SORCS2: variants seen among roughly 807,000 people sequenced by gnomAD.
SORCS2 encodes sortilin related VPS10 domain containing receptor 2.
A neutral mutation model predicts 141.6 loss-of-function variants in SORCS2; 100 were observed. That is an observed-to-expected ratio of 0.71 (90% CI 0.60 to 0.83). The LOEUF is 0.83. SORCS2 is among the 40% of genes least tolerant of loss of function. The pLI, the probability that SORCS2 is intolerant of heterozygous loss-of-function variation, is 0.00. For synonymous variants in SORCS2, 789 were observed against 676.9 expected, an observed-to-expected ratio of 1.17 and a Z score of -2.57; for missense variants, 1,646 against 1,560.2, an observed-to-expected ratio of 1.05 and a Z score of -0.93.
In SORCS2 at chr4:7,360,571, C is replaced by CTTTTTTTTTTTTTTTTT. The variant is rs753548897; in HGVS notation, c.481-35708_481-35692dup. ...TCCCTAAATACCCTCCCAGTCCCTT[C>CTTTTTTTTTTTTTTTTT]TTTTTTTTTTTTTTTTTTTTTTTTT... is the stretch of plus-strand genomic sequence containing the variant. On this transcript the variant is annotated intron_variant, in intron 1 of 26. Coordinates refer to ENST00000507866, the MANE Select transcript of SORCS2 (RefSeq NM_020777.3). Among the ~76,000 whole-genome samples, 64 of 49,282 alleles carry CTTTTTTTTTTTTTTTTT rather than the reference C, an allele frequency of 1.3e-3. 17 individuals carry two copies. The highest frequency in any genetic ancestry group is 2.2e-3 in the African/African-American group (23 of 10,242). 32.3% of individuals were successfully genotyped at this position (49,282 alleles called of 152,430 possible). A position where few individuals can be genotyped will look rare whatever the true frequency, so the allele number is the denominator to read the frequency against.
At chr4:7,258,737 G>A (rs764256607) in intron 1 of SORCS2, among the ~76,000 whole-genome samples, 4 of 152,186 alleles carry the variant, frequency 2.6e-5, no homozygotes, top group Non-Finnish European at 4.4e-5. Context: ...CTTCCACAAT[G>A]GTTGAACTAA....
chr4:7,317,321 A>T lies in SORCS2; in HGVS notation c.481-78967A>T, dbSNP rs181998921. 2.9e-3 allele frequency among the ~76,000 whole-genome samples: 441 copies of T among 152,290 alleles called. 2 individuals are homozygous for T. Among genetic ancestry groups the T allele is most frequent in the African/African-American group, 9.5e-3 (395 of 41,576 alleles). On this transcript the variant is annotated intron_variant, in intron 1 of 26. Coordinates refer to ENST00000507866, the MANE Select transcript of SORCS2 (RefSeq NM_020777.3). Reference sequence around the variant, plus strand: ...ACCAAGACCCAAAAGATGAATAAGGAGCTGACAGGGCCTGGGCCTATGTGT... The same window carrying T: ...ACCAAGACCCAAAAGATGAATAAGGTGCTGACAGGGCCTGGGCCTATGTGT...
At chr4:7,638,587 G>A in intron 4 of SORCS2, 95 bp downstream of exon 4, 1 of 1,340,368 alleles carries the variant, frequency 7.5e-7, no homozygotes, top group South Asian at 1.4e-5. Flanking sequence ...GTGGGACCCG[G>A]AACCCCTGGG....
chr4:7,629,880 C>T (rs551075942), intron 3 of SORCS2, among the ~76,000 whole-genome samples: 1 of 152,254 alleles, frequency 6.6e-6, no homozygotes, highest in Admixed American at 6.5e-5. Flanking sequence ...CGCTGTCGGC[C>T]ACCCTTTGAC....
chr4:7,713,061 G>A (rs963825008), intron 15 of SORCS2, among the ~76,000 whole-genome samples: 2 of 152,188 alleles, frequency 1.3e-5, no homozygotes, highest in South Asian at 4.2e-4. Flanking sequence ...CTGGGCTGAG[G>A]GTCCTCAGCC....
chr4:7,634,691 G>A (rs1251975721), intron 3 of SORCS2, among the ~76,000 whole-genome samples: 1 of 152,264 alleles, frequency 6.6e-6, no homozygotes, highest in Non-Finnish European at 1.5e-5. Flanking sequence ...CGGGCTGTGC[G>A]TGGTGACTTC....
chr4:7,714,323 G>A lies in SORCS2; in HGVS notation c.2073G>A (p.Thr691=), dbSNP rs367713426. 494 of 1,587,010 alleles carry A rather than the reference G, an allele frequency of 3.1e-4. 10 individuals carry two copies. In the South Asian group the frequency reaches 5.2e-3, roughly 17 times the overall value. ...TSWCIKGRSF[T]SALTSRVCEC... Reference sequence around the variant, plus strand: ...GGTGCATCAAGGGGAGGAGCTTCACGTCGGCGCTCACGTCCCGCGTGTGCG... The same window carrying A: ...GGTGCATCAAGGGGAGGAGCTTCACATCGGCGCTCACGTCCCGCGTGTGCG... Residue 691 remains threonine, a synonymous_variant, in exon 16 of 27, where the codon ACG becomes ACA. Transcript: ENST00000507866.
chr4:7,539,063 T>C (rs6815748), intron 3 of SORCS2, among the ~76,000 whole-genome samples: 128,927 of 152,154 alleles, frequency 0.85, 56,106 homozygotes, highest in East Asian at 0.99. Flanking sequence ...GGCCAAGTTG[T>C]TTCCCCCAGG....
intron 2 of SORCS2, among the ~76,000 whole-genome samples, chr4:7,406,786 T>G (rs1724996243): frequency 6.6e-6 from 1 of 151,964 alleles, no homozygotes; most frequent in Non-Finnish European, 1.5e-5. Flanking sequence ...GTTTGTTTTT[T>G]CTAGTTCCTT....
intron 14 of SORCS2, among the ~76,000 whole-genome samples, chr4:7,712,231 C>T (rs1042585845): frequency 6.6e-6 from 1 of 152,238 alleles, no homozygotes; most frequent in African/African-American, 2.4e-5. Context: ...TACTAGGGAG[C>T]AAATGCCCTG....
At chr4:7,467,373 G>C (rs1406678288) in intron 2 of SORCS2, among the ~76,000 whole-genome samples, 1 of 152,192 alleles carries the variant, frequency 6.6e-6, no homozygotes, top group Non-Finnish European at 1.5e-5. Flanking sequence ...GGGATGAGGA[G>C]CTCACCCTGG....
chr4:7,483,043 G>A (rs933894008), intron 2 of SORCS2, among the ~76,000 whole-genome samples: 8 of 152,184 alleles, frequency 5.3e-5, no homozygotes, highest in East Asian at 1.9e-4. Flanking sequence ...AGGAGAGGCC[G>A]GGCGCGGTGG....
At chr4:7,360,403 C>T (rs189011823) in intron 1 of SORCS2, among the ~76,000 whole-genome samples, 18 of 151,910 alleles carry the variant, frequency 1.2e-4, no homozygotes, top group Admixed American at 1.0e-3. Context: ...TTGCCACACC[C>T]CAGCAGGTCC....
At chr4:7,397,026 A>C (rs1008620143) in intron 2 of SORCS2, among the ~76,000 whole-genome samples, 16 of 152,318 alleles carry the variant, frequency 1.1e-4, no homozygotes, top group Non-Finnish European at 1.9e-4. Flanking sequence ...CTCCTGCAAA[A>C]GATTCTCTTT....
At chr4:7,464,941 C>T (rs374303358) in intron 2 of SORCS2, among the ~76,000 whole-genome samples, 6 of 152,248 alleles carry the variant, frequency 3.9e-5, no homozygotes, top group African/African-American at 7.2e-5. Context: ...CCGGCCTCCA[C>T]GGCGGCTCCT....
At chr4:7,411,519 C>G (rs1023957553) in intron 2 of SORCS2, among the ~76,000 whole-genome samples, 9 of 152,012 alleles carry the variant, frequency 5.9e-5, no homozygotes, top group Non-Finnish European at 1.0e-4. Flanking sequence ...TTGCTCCTCT[C>G]TCCCTCCTTC....
chr4:7,425,772 C>G (rs11727231), intron 2 of SORCS2, among the ~76,000 whole-genome samples: 52,660 of 152,172 alleles, frequency 0.35, 9,904 homozygotes, highest in East Asian at 0.54. Flanking sequence ...ACATGACCAG[C>G]CTGGGGTCCC....
At chr4:7,427,177 T>C (rs1402248954) in intron 2 of SORCS2, among the ~76,000 whole-genome samples, 1 of 151,838 alleles carries the variant, frequency 6.6e-6, no homozygotes, top group Non-Finnish European at 1.5e-5. Context: ...AGCATATCCA[T>C]TGTGGGCACA....
intron 26 of SORCS2, among the ~76,000 whole-genome samples, chr4:7,739,358 C>T (rs1324767490): frequency 2.6e-5 from 4 of 152,134 alleles, no homozygotes; most frequent in Admixed American, 2.0e-4. Context: ...CAGGCCTTCT[C>T]GAGTGGACAG....
Sources: gnomAD v4.1 joint callset for allele counts (sites outside exome capture counted in the v4.1 genomes callset) on GRCh38, gnomAD v4.1.1 for gene constraint, MANE v1.5 for transcripts, NCBI Gene and HGNC (gene_info 2026-07-23, HGNC 2026-07-21) for gene names.